The following GPR39 variants were observed in gnomAD, a reference collection of about 807,000 sequenced individuals.
GPR39 encodes zinc sensing receptor.
GPR39 carries 23 observed loss-of-function variants against 18.4 expected under a neutral mutation model. That is an observed-to-expected ratio of 1.25 (90% CI 0.90 to 1.77). GPR39 has a LOEUF of 1.77. Ranked by LOEUF, GPR39 falls within the 40% of genes most tolerant of loss-of-function variation. The pLI, the probability that GPR39 is intolerant of heterozygous loss-of-function variation, is 0.00. For synonymous variants in GPR39, 280 were observed against 257.9 expected (o/e 1.09, Z -0.82); for missense variants, 647 against 602.4 (o/e 1.07, Z -0.78).
At chr2:132,477,327 A>C (rs920819026) in intron 1 of GPR39, among the ~76,000 whole-genome samples, 3 of 152,170 alleles carry the variant, frequency 2.0e-5, no homozygotes, top group African/African-American at 7.2e-5. Flanking sequence ...TGGAGCATTC[A>C]GAGGCGTGGA....
intron 1 of GPR39, among the ~76,000 whole-genome samples, chr2:132,596,697 C>T (rs1680956031): frequency 6.6e-6 from 1 of 152,164 alleles, no homozygotes. Context: ...TCCACTGTCC[C>T]TTTGCCCAAA....
At chr2:132,561,494 G>A (rs1214751386) in intron 1 of GPR39, among the ~76,000 whole-genome samples, 4 of 151,762 alleles carry the variant, frequency 2.6e-5, no homozygotes, top group Non-Finnish European at 1.5e-5. Context: ...AGGAGCTGTG[G>A]CTTTCAACTT....
At chr2:132,511,314 G>A (rs144901230) in intron 1 of GPR39, among the ~76,000 whole-genome samples, 33 of 152,206 alleles carry the variant, frequency 2.2e-4, no homozygotes, top group African/African-American at 7.9e-4. Flanking sequence ...AAATTAAACT[G>A]TGTGCTTCAC....
Position 132,645,433 on chromosome 2 carries a change from C to G in GPR39, c.1189C>G (p.Arg397Gly), listed in dbSNP as rs552944365. 6.2e-7 allele frequency: 1 copy of G among 1,613,598 alleles called. No individual in the cohort carries two copies. Among genetic ancestry groups the G allele is most frequent in the Non-Finnish European group, 8.5e-7 (1 of 1,180,034 alleles). Residue 397 changes from arginine to glycine, a missense_variant, in exon 2 of 2, where the codon CGG becomes GGG. Coordinates refer to ENST00000329321, the MANE Select transcript of GPR39 (RefSeq NM_001508.3). ...GCAGCGCCCGTTGCTCTTCGCGTCC[C>G]GGCGCCAGTCCTCTGCAAGGAGAAC... ...FVQRPLLFAS[R>G]RQSSARRTEK...
intron 1 of GPR39, among the ~76,000 whole-genome samples, chr2:132,475,239 T>C (rs1681104342): frequency 2.0e-5 from 3 of 151,674 alleles, no homozygotes; most frequent in Admixed American, 2.0e-4. Flanking sequence ...CAAGAGTCAC[T>C]CCTGCATGCT....
At chr2:132,450,001 C>A (rs1184341014) in intron 1 of GPR39, among the ~76,000 whole-genome samples, 3 of 152,176 alleles carry the variant, frequency 2.0e-5, no homozygotes, top group African/African-American at 7.2e-5. Flanking sequence ...TGCAAAAAGG[C>A]AGGCCAGGCA....
At chr2:132,449,073 G>T (rs1222731341) in intron 1 of GPR39, among the ~76,000 whole-genome samples, 1 of 152,236 alleles carries the variant, frequency 6.6e-6, no homozygotes, top group Non-Finnish European at 1.5e-5. Flanking sequence ...GAGCATTGGA[G>T]AATAGTCAAA....
At chr2:132,610,777 CAAAA>C (rs34611787) in intron 1 of GPR39, among the ~76,000 whole-genome samples, 28 of 88,716 alleles carry the variant, frequency 3.2e-4, no homozygotes, top group African/African-American at 8.2e-4. Flanking sequence ...ACTCTGTCTC[CAAAA>C]AAAAAAAAAA....
At chr2:132,644,991 A>G (rs1681975014) in intron 1 of GPR39, 110 bp from the exon 2 acceptor site, 2 of 1,261,724 alleles carry the variant, frequency 1.6e-6, no homozygotes, top group Non-Finnish European at 1.1e-6. Flanking sequence ...TTTCCTGGCC[A>G]GTAAGCACAG....
At chr2:132,593,731 G>A (rs1333438422) in intron 1 of GPR39, among the ~76,000 whole-genome samples, 3 of 152,142 alleles carry the variant, frequency 2.0e-5, no homozygotes, top group Non-Finnish European at 2.9e-5. Flanking sequence ...AGAGATGCAA[G>A]TAGACAGTTG....
At chr2:132,610,740 G>A (rs1278820599) in intron 1 of GPR39, among the ~76,000 whole-genome samples, 4 of 136,672 alleles carry the variant, frequency 2.9e-5, no homozygotes, top group Non-Finnish European at 6.0e-5. Flanking sequence ...TTGCACCATT[G>A]CACTCCAGCC....
chr2:132,445,817 A>G (rs1680524546), intron 1 of GPR39, among the ~76,000 whole-genome samples: 1 of 152,214 alleles, frequency 6.6e-6, no homozygotes, highest in African/African-American at 2.4e-5. Context: ...CACTGCTGGT[A>G]TTTGCACCAA....
intron 1 of GPR39, among the ~76,000 whole-genome samples, chr2:132,635,965 C>T (rs773508407): frequency 5.3e-5 from 8 of 152,246 alleles, no homozygotes; most frequent in East Asian, 1.9e-4. Context: ...TCGGCTGGCA[C>T]GTTGATCTGG....
intron 1 of GPR39, among the ~76,000 whole-genome samples, chr2:132,424,895 T>C (rs1241209475): frequency 6.6e-6 from 1 of 152,186 alleles, no homozygotes; most frequent in Non-Finnish European, 1.5e-5. Context: ...CTCCAAGTCT[T>C]GCTGCTGCCA....
intron 1 of GPR39, among the ~76,000 whole-genome samples, chr2:132,467,211 A>T (rs903004722): frequency 6.6e-6 from 1 of 152,186 alleles, no homozygotes; most frequent in Non-Finnish European, 1.5e-5. Flanking sequence ...AGATTCATGG[A>T]CCTAGCAGAG....
At chr2:132,450,275 C>T (rs1239984988) in intron 1 of GPR39, among the ~76,000 whole-genome samples, 1 of 152,180 alleles carries the variant, frequency 6.6e-6, no homozygotes, top group African/African-American at 2.4e-5. Context: ...TGCTGATCAG[C>T]ATAGAATTGA....
chr2:132,578,542 C>T (rs1573678114), intron 1 of GPR39, among the ~76,000 whole-genome samples: 1 of 151,978 alleles, frequency 6.6e-6, no homozygotes, highest in East Asian at 1.9e-4. Context: ...AATTTAATTT[C>T]CTTAATAGTT....
chr2:132,645,329 G>C lies in GPR39; in HGVS notation c.1085G>C (p.Arg362Pro), dbSNP rs753381502. 2 of 1,614,002 alleles carry C rather than the reference G, an allele frequency of 1.2e-6. No individual in the cohort carries two copies. Among genetic ancestry groups the C allele is most frequent in the African/African-American group, 1.3e-5 (1 of 74,924 alleles). ...RRVFVQVLCC[R>P]LSLQHANHEK... ...GTGTTCGTGCAGGTGCTGTGCTGCC[G>C]CCTGTCGCTGCAGCACGCCAACCAC... is the stretch of plus-strand genomic sequence containing the variant. The change falls in exon 2 of 2, where the codon CGC (arginine) becomes CCC (proline). Residue 362 changes from arginine to proline, a missense_variant. Around this residue, in one of 3 missense-constraint regions of GPR39, gnomAD observed 581 missense variants for 506.8 expected, o/e 1.15. Transcript: ENST00000329321.
chr2:132,623,628 G>A (rs1681486184), intron 1 of GPR39, among the ~76,000 whole-genome samples: 1 of 152,218 alleles, frequency 6.6e-6, no homozygotes, highest in Admixed American at 6.5e-5. Context: ...AACTAGCTGT[G>A]TGGCTTTGGC....
Sources: allele counts gnomAD v4.1 joint callset (sites outside exome capture counted in the v4.1 genomes callset), GRCh38; gene constraint gnomAD v4.1.1; regional missense constraint gnomAD v4.1.1; transcripts MANE v1.5; gene names NCBI Gene and HGNC (gene_info 2026-07-23, HGNC 2026-07-21).